TRDN: variants seen among roughly 807,000 people sequenced by gnomAD.
TRDN encodes the protein triadin in skeletal muscle.
A neutral mutation model predicts 149.7 loss-of-function variants in TRDN; 161 were observed. The observed-to-expected ratio is 1.08, with a 90% CI of 0.95 to 1.23. The LOEUF is 1.23. Ranked by LOEUF, TRDN falls within the 50% of genes most tolerant of loss-of-function variation. TRDN has a pLI of 0.00. For missense variants in TRDN, 896 were observed against 823.5 expected (o/e 1.09, Z -1.08); for synonymous variants, 294 against 250.5 (o/e 1.17, Z -1.64).
intron 1 of TRDN, chr6:123,583,863 G>A (rs958169458): frequency 1.4e-5 from 3 of 221,612 alleles, no homozygotes; most frequent in South Asian, 5.7e-5. Context: ...AAGGGAGGGG[G>A]CCTGAATAAT....
At chr6:123,352,836 C>T (rs543806498) in intron 20 of TRDN, among the ~76,000 whole-genome samples, 8 of 151,940 alleles carry the variant, frequency 5.3e-5, no homozygotes, top group Admixed American at 3.3e-4. Flanking sequence ...CTTTACACTC[C>T]GCTTTGATAA....
chr6:123,338,657 G>A (rs1309424358), intron 21 of TRDN, among the ~76,000 whole-genome samples: 3 of 152,122 alleles, frequency 2.0e-5, no homozygotes, highest in African/African-American at 4.8e-5. Context: ...AATCACATGA[G>A]ATAATCAAGT....
chr6:123,239,385 A>G (rs543692081), intron 38 of TRDN, among the ~76,000 whole-genome samples: 1 of 152,300 alleles, frequency 6.6e-6, no homozygotes, highest in East Asian at 1.9e-4. Context: ...GATACAGGGT[A>G]ATTAAAAAGA....
chr6:123,342,430 T>C (rs1780098820), intron 21 of TRDN, among the ~76,000 whole-genome samples: 1 of 152,018 alleles, frequency 6.6e-6, no homozygotes, highest in East Asian at 1.9e-4. Flanking sequence ...AAAGCTTCCA[T>C]GTTTAAATTA....
chr6:123,260,305 G>A (rs891776978), intron 34 of TRDN, among the ~76,000 whole-genome samples: 2 of 152,068 alleles, frequency 1.3e-5, no homozygotes, highest in Admixed American at 6.6e-5. Flanking sequence ...TAAGCAAAAT[G>A]TGGATCCAGT....
Position 123,377,703 on chromosome 6 carries a change from T to C in TRDN, c.1246+13A>G. 1.2e-6 allele frequency: 2 copies of C among 1,613,116 alleles called. No individual in the cohort carries two copies. Among genetic ancestry groups the C allele is most frequent in the Non-Finnish European group, 1.7e-6 (2 of 1,179,548 alleles). On this transcript the variant is annotated intron_variant, in intron 18 of 40. Coordinates refer to ENST00000334268, the MANE Select transcript of TRDN (RefSeq NM_006073.4). ...ATGAGTATTCGGAATCCAGCAACAG[T>C]GGTCTTACTCACCTGAGTGTTCTTT...
intron 38 of TRDN, among the ~76,000 whole-genome samples, chr6:123,249,982 GATAA>G (rs1478428753): frequency 6.6e-6 from 1 of 152,052 alleles, no homozygotes; most frequent in African/African-American, 2.4e-5. Context: ...TTCTAGATTT[GATAA>G]ATAAATTTAG....
chr6:123,313,488 G>C (rs951191824), intron 24 of TRDN, among the ~76,000 whole-genome samples: 2 of 151,770 alleles, frequency 1.3e-5, no homozygotes, highest in African/African-American at 2.4e-5. Context: ...GTTTGTTTTT[G>C]TTTTTCTTTT....
At chr6:123,336,950 G>T (rs1019365439) in intron 22 of TRDN, among the ~76,000 whole-genome samples, 5 of 151,862 alleles carry the variant, frequency 3.3e-5, no homozygotes, top group Non-Finnish European at 7.4e-5. Flanking sequence ...GCTGAAATAG[G>T]TAGAGAAGGC....
chr6:123,358,461 A>G (rs1007455889), intron 20 of TRDN, among the ~76,000 whole-genome samples: 3 of 151,264 alleles, frequency 2.0e-5, no homozygotes, highest in Non-Finnish European at 4.4e-5. Flanking sequence ...TATTAGCAGT[A>G]TTAGCAGGTA....
At chr6:123,584,428 G>C (rs4060807) in intron 1 of TRDN, among the ~76,000 whole-genome samples, 134,724 of 151,498 alleles carry the variant, frequency 0.89, 60,055 homozygotes, top group East Asian at 0.98. Flanking sequence ...AAGTTGTTTG[G>C]ACAGAAAGGC....
chr6:123,543,363 C>A (rs1328732814), intron 4 of TRDN, among the ~76,000 whole-genome samples: 1 of 152,032 alleles, frequency 6.6e-6, no homozygotes, highest in African/African-American at 2.4e-5. Flanking sequence ...CATTGCTTGG[C>A]TCATAGAAAA....
intron 5 of TRDN, among the ~76,000 whole-genome samples, chr6:123,522,517 CTTTTT>C (rs375665403): frequency 1.1e-5 from 1 of 87,224 alleles, no homozygotes; most frequent in Non-Finnish European, 2.0e-5. Context: ...TGCGGTTCCT[CTTTTT>C]TTTTTTTTTT....
intron 1 of TRDN, among the ~76,000 whole-genome samples, chr6:123,587,341 T>C (rs1255170820): frequency 6.6e-6 from 1 of 152,106 alleles, no homozygotes; most frequent in Non-Finnish European, 1.5e-5. Context: ...CCTTTGTCTC[T>C]ACCAGAAAAT....
intron 38 of TRDN, among the ~76,000 whole-genome samples, chr6:123,250,718 C>A (rs1442172478): frequency 6.6e-6 from 1 of 151,920 alleles, no homozygotes; most frequent in East Asian, 1.9e-4. Context: ...AGTTACTGCT[C>A]ATAATCTTAC....
At chr6:123,541,408 GAGTTTACTTCTT>G (rs1211844702) in intron 4 of TRDN, among the ~76,000 whole-genome samples, 3 of 152,124 alleles carry the variant, frequency 2.0e-5, no homozygotes, top group Non-Finnish European at 4.4e-5. Context: ...AGTGGGCTCA[GAGTTTACTTCTT>G]AGCAACTACC....
At chr6:123,351,776 G>C (rs1780470372) in intron 21 of TRDN, 1 of 918,782 alleles carries the variant, frequency 1.1e-6, no homozygotes, top group African/African-American at 1.8e-5. Flanking sequence ...ATTATTGCAA[G>C]TTCTAATTTA....
rs4642503 is a variant in TRDN, at chr6:123,439,012, T to C, written c.932-9A>G. 6.5e-7 allele frequency: 1 copy of C among 1,542,846 alleles called. No homozygotes were observed. The highest frequency in any genetic ancestry group is 1.4e-5 in the African/African-American group (1 of 72,690). On this transcript the variant is annotated splice_polypyrimidine_tract_variant and intron_variant, in intron 10 of 40. Transcript: ENST00000334268. ...CTTTTCCCCTTCTTTTTCTAGAGAA[T>C]ACATTTAAAATATTTCCTTTAGGGA...
At chr6:123,322,253 G>A (rs1193039635) in intron 23 of TRDN, among the ~76,000 whole-genome samples, 2 of 152,148 alleles carry the variant, frequency 1.3e-5, no homozygotes, top group Non-Finnish European at 2.9e-5. Context: ...ATGTCAAGGA[G>A]TTGCAGAGAT....
Sources: allele counts gnomAD v4.1 joint callset (sites outside exome capture counted in the v4.1 genomes callset), GRCh38; gene constraint gnomAD v4.1.1; transcripts MANE v1.5; gene names NCBI Gene and HGNC (gene_info 2026-07-23, HGNC 2026-07-21).